Variants in FAM135A observed in about 807,000 individuals in gnomAD.
FAM135A encodes protein FAM135A.
Under a neutral mutation model 146.8 loss-of-function variants are expected in FAM135A, and 79 were observed. The observed-to-expected ratio is 0.54, with a 90% CI of 0.45 to 0.65. The LOEUF (loss-of-function observed/expected upper bound fraction) is 0.65, where lower values mean the gene tolerates loss of function less well. FAM135A is among the 30% of genes least tolerant of loss of function. The probability of loss-of-function intolerance (pLI) is 0.00; values close to 1 mark genes in which losing one functional copy is unlikely to be tolerated. For missense variants in FAM135A, 1,623 were observed against 1,758.2 expected (o/e 0.92, Z 1.38); for synonymous variants, 562 against 603.6 (o/e 0.93, Z 1.01).
At chr6:70,508,092 A>G (rs1790201052) in intron 12 of FAM135A, among the ~76,000 whole-genome samples, 2 of 152,190 alleles carry the variant, frequency 1.3e-5, no homozygotes, top group African/African-American at 4.8e-5. Context: ...GGCGAGGTTC[A>G]TACTAGTGGA....
chr6:70,448,567 G>A (rs1043354228), intron 4 of FAM135A, among the ~76,000 whole-genome samples: 5 of 152,172 alleles, frequency 3.3e-5, no homozygotes, highest in Admixed American at 2.6e-4. Flanking sequence ...GACCAGCTCA[G>A]TGCTAACCCA....
At chr6:70,556,899 A>G in intron 21 of FAM135A, 36 bp downstream of exon 21, 1 of 1,568,256 alleles carries the variant, frequency 6.4e-7, no homozygotes, top group Non-Finnish European at 8.7e-7. Context: ...AGTTATAGGT[A>G]TTAATGAGCT....
chr6:70,490,663 A>C (rs1785690499), intron 10 of FAM135A, among the ~76,000 whole-genome samples: 1 of 152,088 alleles, frequency 6.6e-6, no homozygotes, highest in South Asian at 2.1e-4. Context: ...CAAGAAAGCA[A>C]GGCATATGTA....
chr6:70,430,836 C>A (rs1301601374), intron 4 of FAM135A, among the ~76,000 whole-genome samples: 1 of 152,164 alleles, frequency 6.6e-6, no homozygotes, highest in African/African-American at 2.4e-5. Flanking sequence ...TAGATTTCTT[C>A]TAGATTCTGC....
At chr6:70,444,345 T>C (rs9455110) in intron 4 of FAM135A, among the ~76,000 whole-genome samples, 3,249 of 152,176 alleles carry the variant, frequency 0.021, 110 homozygotes, top group African/African-American at 0.074. Context: ...ACAGGTTGCA[T>C]TGAGCAGAGA....
intron 10 of FAM135A, among the ~76,000 whole-genome samples, chr6:70,489,807 T>G (rs768027653): frequency 7.2e-5 from 11 of 152,156 alleles, no homozygotes; most frequent in Admixed American, 1.3e-4. Flanking sequence ...CACCTAGGGA[T>G]GTGTTTTTTA....
chr6:70,559,607 T>A, intron 21 of FAM135A, 109 bp from the exon 22 acceptor site: 3 of 867,404 alleles, frequency 3.5e-6, no homozygotes, highest in Non-Finnish European at 5.0e-6. Context: ...TTCTGCTTTA[T>A]ATGGAAATAA....
intron 4 of FAM135A, among the ~76,000 whole-genome samples, chr6:70,443,634 G>T (rs547350177): frequency 1.1e-4 from 16 of 152,308 alleles, no homozygotes; most frequent in African/African-American, 3.4e-4. Flanking sequence ...GTTGAGAATG[G>T]ATATATTTTT....
chr6:70,453,352 T>G (rs1287155275), intron 5 of FAM135A, among the ~76,000 whole-genome samples: 2 of 152,206 alleles, frequency 1.3e-5, no homozygotes, highest in Non-Finnish European at 2.9e-5. Context: ...TTGAAGTGTT[T>G]AGGATTCTCT....
intron 4 of FAM135A, among the ~76,000 whole-genome samples, chr6:70,450,453 A>G (rs1006586140): frequency 6.6e-6 from 1 of 152,062 alleles, no homozygotes; most frequent in African/African-American, 2.4e-5. Context: ...ATATGGTATG[A>G]GATAAGGATC....
intron 18 of FAM135A, 83 bp downstream of exon 18, chr6:70,533,937 C>A: frequency 3.0e-6 from 2 of 657,120 alleles, no homozygotes; most frequent in Non-Finnish European, 2.3e-6. Context: ...ATAGGGTTGT[C>A]CTATTCTGAA....
intron 10 of FAM135A, chr6:70,486,285 TA>T (rs1784638601): frequency 6.3e-7 from 1 of 1,575,282 alleles, no homozygotes; most frequent in African/African-American, 1.4e-5. Context: ...CCCTTTTAAT[TA>T]AAAAGTATGA....
At chr6:70,450,243 C>G (rs1242337387) in intron 4 of FAM135A, among the ~76,000 whole-genome samples, 2 of 151,768 alleles carry the variant, frequency 1.3e-5, no homozygotes, top group Non-Finnish European at 2.9e-5. Flanking sequence ...TTAATTGTTT[C>G]TTTTGCTCTT....
rs1782825233 is a variant in FAM135A at position 70,477,346 on chromosome 6, A to G, written c.542+14A>G. 1.2e-6 allele frequency: 2 copies of G among 1,610,478 alleles called. No individual in the cohort carries two copies. Among genetic ancestry groups the G allele is most frequent in the South Asian group, 2.2e-5 (2 of 90,496 alleles). On this transcript the variant is annotated intron_variant, in intron 8 of 21. Transcript: ENST00000418814. ...GCCACTAATAAGGTAAATTTGACTA[A>G]TATTTTTGTATTAAGCCATTCTTAC...
chr6:70,526,656 C>T lies in FAM135A; in HGVS notation c.3572C>T (p.Ser1191Leu), dbSNP rs766369291. Reference sequence around the variant, plus strand: ...AGTACTTCTTACAACTTCACTTCTTCGATTTCCTGGTATGAAAGTTCACCA... The same window carrying T: ...AGTACTTCTTACAACTTCACTTCTTTGATTTCCTGGTATGAAAGTTCACCA... ...PSSTSYNFTS[S>L]ISWYESSPKP... The change falls in exon 15 of 22, where the codon TCG becomes TTG. Residue 1191 changes from serine to leucine, a missense_variant. Physicochemically the swap from Ser to Leu is moderately radical, Grantham distance 145. Coordinates refer to ENST00000418814, the MANE Select transcript of FAM135A (RefSeq NM_001162529.3). The T allele has an allele frequency of 5.6e-6, 9 of 1,605,676 alleles. No individual in the cohort carries two copies. Among genetic ancestry groups the T allele is most frequent in the East Asian group, 4.5e-5 (2 of 44,708 alleles).
intron 4 of FAM135A, among the ~76,000 whole-genome samples, chr6:70,451,252 A>G (rs1041368425): frequency 2.0e-5 from 3 of 152,242 alleles, no homozygotes; most frequent in Admixed American, 6.5e-5. Context: ...TGAATAAGAC[A>G]TGGTCTCTAT....
intron 20 of FAM135A, among the ~76,000 whole-genome samples, chr6:70,550,636 G>A (rs1199666639): frequency 1.3e-5 from 2 of 152,186 alleles, no homozygotes; most frequent in Non-Finnish European, 2.9e-5. Context: ...AGAGCACAGA[G>A]TAGATTTCAT....
intron 10 of FAM135A, among the ~76,000 whole-genome samples, chr6:70,487,907 C>G (rs1440742672): frequency 2.0e-5 from 3 of 152,062 alleles, no homozygotes; most frequent in Non-Finnish European, 4.4e-5. Context: ...ATTTTCAAAA[C>G]TAAAACATAA....
chr6:70,472,429 A>G (rs1362997079), intron 5 of FAM135A, among the ~76,000 whole-genome samples: 1 of 152,088 alleles, frequency 6.6e-6, no homozygotes, highest in Non-Finnish European at 1.5e-5. Context: ...TTTTTCCTGA[A>G]CCATGTAAGA....
Sources: gnomAD v4.1 joint callset for allele counts (sites outside exome capture counted in the v4.1 genomes callset) on GRCh38, gnomAD v4.1.1 for gene constraint, MANE v1.5 for transcripts, NCBI Gene and HGNC (gene_info 2026-07-23, HGNC 2026-07-21) for gene names.